The following SAMD3 variants were observed in gnomAD, a reference collection of about 807,000 sequenced individuals.
The protein encoded by SAMD3 is sterile alpha motif domain containing 3.
A neutral mutation model predicts 58.5 loss-of-function variants in SAMD3; 63 were observed. That is an observed-to-expected ratio of 1.08 (90% CI 0.88 to 1.33). The LOEUF (loss-of-function observed/expected upper bound fraction) is 1.33, where lower values mean the gene tolerates loss of function less well. SAMD3 is among the 40% of genes most tolerant of loss of function. The pLI, the probability that SAMD3 is intolerant of heterozygous loss-of-function variation, is 0.00. For missense variants in SAMD3, 604 were observed against 608.4 expected (o/e 0.99, Z 0.08); for synonymous variants, 220 against 210.3 (o/e 1.05, Z -0.40).
chr6:130,350,001 G>T (rs1002210512), intron 1 of SAMD3, among the ~76,000 whole-genome samples: 3 of 152,070 alleles, frequency 2.0e-5, no homozygotes, highest in African/African-American at 7.2e-5. Flanking sequence ...TGCAGAAAAG[G>T]CCTTTGACAA....
intron 2 of SAMD3, among the ~76,000 whole-genome samples, chr6:130,233,770 A>G (rs1040325979): frequency 2.0e-5 from 3 of 152,222 alleles, no homozygotes; most frequent in Admixed American, 6.5e-5. Context: ...GTAGAAATCA[A>G]CTTTGTTTTA....
At chr6:130,273,651 G>A (rs1483230973) in intron 2 of SAMD3, among the ~76,000 whole-genome samples, 1 of 141,498 alleles carries the variant, frequency 7.1e-6, no homozygotes, top group Non-Finnish European at 1.5e-5. Flanking sequence ...TTTCTTTTTT[G>A]TATCTTCTGT....
Position 130,154,853 on chromosome 6 carries a change from A to T in SAMD3, c.995T>A (p.Leu332Gln). The change falls in exon 9 of 12, where the codon CTG (leucine) becomes CAG (glutamine). Residue 332 changes from leucine (L) to glutamine (Q), a missense_variant. Coordinates refer to ENST00000439090, the MANE Select transcript of SAMD3 (RefSeq NM_001017373.4). ...SRTPLKDILK[L>Q]FPFLKCPYQM... ...ATAAGGGCACTTCAAGAAAGGAAAC[A>T]GTTTAAGAATGTCCTTCAGAGGTGT... 1.2e-6 allele frequency: 2 copies of T among 1,612,898 alleles called. No homozygotes were observed. Among genetic ancestry groups the T allele is most frequent in the Non-Finnish European group, 8.5e-7 (1 of 1,179,588 alleles).
chr6:130,144,842 A>C, intron 11 of SAMD3, 38 bp from the exon 12 acceptor site: 1 of 1,536,946 alleles, frequency 6.5e-7, no homozygotes, highest in Non-Finnish European at 8.9e-7. Context: ...TGATACGTAA[A>C]ATAGCTAAAT....
chr6:130,238,316 A>C (rs1773235413), intron 2 of SAMD3, among the ~76,000 whole-genome samples: 1 of 152,220 alleles, frequency 6.6e-6, no homozygotes, highest in Non-Finnish European at 1.5e-5. Context: ...TATTGTGGGA[A>C]GATAGCAAGT....
intron 1 of SAMD3, among the ~76,000 whole-genome samples, chr6:130,222,132 G>T (rs1327062928): frequency 6.6e-6 from 1 of 152,146 alleles, no homozygotes; most frequent in Non-Finnish European, 1.5e-5. Flanking sequence ...AAAGGTAAAA[G>T]TGATTTGAAT....
At position 130,170,843 on chromosome 6, in the gene SAMD3, C is replaced by T. The variant is rs138005575; in HGVS notation, c.822+4998G>A. On this transcript the variant is annotated intron_variant, in intron 8 of 11. Transcript: ENST00000439090. ...TTTATCAGCTTAAGGAGTTTTTGGGCGAGATGATGGTGTTTTCTAAATATA... is the reference window on the plus strand; with the variant it reads ...TTTATCAGCTTAAGGAGTTTTTGGGTGAGATGATGGTGTTTTCTAAATATA... Among the ~76,000 whole-genome samples the T allele has an allele frequency of 2.5e-3, 381 of 152,242 alleles. 3 individuals are homozygous for T. The highest frequency in any genetic ancestry group is 0.017 in the Middle Eastern group (5 of 294).
chr6:130,199,028 A>T (rs940243764), intron 5 of SAMD3, among the ~76,000 whole-genome samples: 6 of 152,170 alleles, frequency 3.9e-5, no homozygotes, highest in African/African-American at 9.7e-5. Flanking sequence ...AGGAACTGTG[A>T]TATTTTCCTA....
At chr6:130,208,460 G>T (rs1366153140) in intron 5 of SAMD3, among the ~76,000 whole-genome samples, 1 of 152,134 alleles carries the variant, frequency 6.6e-6, no homozygotes, top group Non-Finnish European at 1.5e-5. Context: ...AGCGAGCAAG[G>T]TTTCATCTGT....
At chr6:130,342,590 T>C (rs1164375665) in intron 1 of SAMD3, among the ~76,000 whole-genome samples, 1 of 152,158 alleles carries the variant, frequency 6.6e-6, no homozygotes, top group East Asian at 1.9e-4. Context: ...AAATACCATA[T>C]CAGCTAGACA....
At chr6:130,206,962 A>G (rs1241217992) in intron 5 of SAMD3, among the ~76,000 whole-genome samples, 1 of 152,098 alleles carries the variant, frequency 6.6e-6, no homozygotes, top group Non-Finnish European at 1.5e-5. Flanking sequence ...GAGCTTGGGC[A>G]ACACAACTAG....
At chr6:130,217,921 CA>C (rs2114856729) in intron 1 of SAMD3, among the ~76,000 whole-genome samples, 1 of 152,250 alleles carries the variant, frequency 6.6e-6, no homozygotes, top group East Asian at 1.9e-4. Context: ...CTTGAAGGGA[CA>C]AACAATTTAT....
At chr6:130,280,064 G>A (rs1014661637) in intron 2 of SAMD3, among the ~76,000 whole-genome samples, 1 of 151,972 alleles carries the variant, frequency 6.6e-6, no homozygotes, top group Non-Finnish European at 1.5e-5. Flanking sequence ...TTTGCTTTAG[G>A]CTATTTTTCC....
At chr6:130,357,118 C>CTTTTTTTTTTTT (rs1169066063) in intron 1 of SAMD3, among the ~76,000 whole-genome samples, 2 of 91,712 alleles carry the variant, frequency 2.2e-5, no homozygotes, top group Non-Finnish European at 2.0e-5. Context: ...GCCATGGCAT[C>CTTTTTTTTTTTT]TTTTTTTTTT....
At chr6:130,332,409 G>T (rs1389194235) in intron 1 of SAMD3, among the ~76,000 whole-genome samples, 1 of 150,644 alleles carries the variant, frequency 6.6e-6, no homozygotes, top group Non-Finnish European at 1.5e-5. Flanking sequence ...AGGGGTTAGA[G>T]GTAAAGTCAG....
intron 7 of SAMD3, chr6:130,183,446 G>C: frequency 2.3e-6 from 1 of 441,732 alleles, no homozygotes; most frequent in South Asian, 1.6e-5. Flanking sequence ...GGTAAGGCTG[G>C]AGGCCCAGAC....
intron 2 of SAMD3, among the ~76,000 whole-genome samples, chr6:130,302,152 A>G (rs994340912): frequency 3.3e-5 from 5 of 152,148 alleles, no homozygotes; most frequent in Admixed American, 6.6e-5. Context: ...AACCAGAAAC[A>G]ATCAATAGAA....
At chr6:130,342,878 C>G (rs1258078122) in intron 1 of SAMD3, among the ~76,000 whole-genome samples, 1 of 152,130 alleles carries the variant, frequency 6.6e-6, no homozygotes, top group African/African-American at 2.4e-5. Context: ...TGCTGCTGAT[C>G]ATGACTTAGT....
At chr6:130,145,463 C>T in intron 10 of SAMD3, 41 bp from the exon 11 acceptor site, 1 of 1,435,322 alleles carries the variant, frequency 7.0e-7, no homozygotes, top group South Asian at 1.2e-5. Context: ...TAAAAATAAG[C>T]TTTTAGCAAT....
Sources: allele counts gnomAD v4.1 joint callset (sites outside exome capture counted in the v4.1 genomes callset), GRCh38; gene constraint gnomAD v4.1.1; transcripts MANE v1.5; gene names NCBI Gene and HGNC (gene_info 2026-07-23, HGNC 2026-07-21).